Variants in HNRNPA2B1 observed in about 807,000 individuals in gnomAD.
The protein encoded by HNRNPA2B1 is heterogeneous nuclear ribonucleoprotein A2/B1, also known as heterogeneous nuclear ribonucleoproteins A2/B1.
A neutral mutation model predicts 46.3 loss-of-function variants in HNRNPA2B1; 3 were observed. The observed-to-expected ratio is 0.06, with a 90% CI of 0.03 to 0.17. The LOEUF is 0.17. Among genes scored for constraint, HNRNPA2B1 ranks in the 10% least tolerant of loss-of-function variants. HNRNPA2B1 has a pLI of 1.00. For missense variants in HNRNPA2B1, 221 were observed against 418.9 expected (o/e 0.53, Z 4.12); for synonymous variants, 225 against 133.8 (o/e 1.68, Z -4.70).
At chr7:26,195,714 G>A (rs1562710009) in intron 7 of HNRNPA2B1, 133 bp downstream of exon 7, 2 of 926,350 alleles carry the variant, frequency 2.2e-6, no homozygotes, top group Non-Finnish European at 3.2e-6. Flanking sequence ...AGAAATAACT[G>A]GACCACTATC....
chr7:26,197,269 G>A (rs1457244064), intron 3 of HNRNPA2B1, 46 bp downstream of exon 3: 4 of 1,549,102 alleles, frequency 2.6e-6, no homozygotes, highest in East Asian at 2.3e-5. Context: ...TTTCAGCAGG[G>A]CAGCGTTCTT....
At chr7:26,193,803 T>A in intron 7 of HNRNPA2B1, 109 bp from the exon 8 acceptor site, 1 of 974,246 alleles carries the variant, frequency 1.0e-6, no homozygotes, top group Non-Finnish European at 1.6e-6. Flanking sequence ...AAATATTTAA[T>A]GAAATTCCTC....
rs368298395 is a variant in HNRNPA2B1, at chr7:26,197,768, A to G, written c.7-36T>C. 28 of 1,600,080 alleles carry G rather than the reference A, an allele frequency of 1.7e-5. No homozygotes were observed. The Admixed American group carries it at 1.9e-4, about 11-fold the overall frequency. ...AAATACCATTTCAATTTTTATTTACATTTTCCTCTTTGTATGCAGGAAATT... is the reference window on the plus strand; with the variant it reads ...AAATACCATTTCAATTTTTATTTACGTTTTCCTCTTTGTATGCAGGAAATT... On this transcript the variant is annotated intron_variant, in intron 1 of 10. Coordinates refer to ENST00000618183, the MANE Select transcript of HNRNPA2B1 (RefSeq NM_002137.4).
rs1782717528 is a variant in HNRNPA2B1 at position 26,190,069 on chromosome 7, C to T, written c.*2291G>A. 1 of 152,466 alleles carries T rather than the reference C, an allele frequency of 6.6e-6. No homozygotes were observed. Among genetic ancestry groups the T allele is most frequent in the Non-Finnish European group, 1.5e-5 (1 of 67,990 alleles). The allele number at this position is 152,466 out of a possible 1,614,324, so 9.4% of individuals were successfully genotyped here. ...TAGGGGATGGTGATCTTTTAGACAACCAAATATTTATAGAACAAGATTCAC... is the reference window on the plus strand; with the variant it reads ...TAGGGGATGGTGATCTTTTAGACAATCAAATATTTATAGAACAAGATTCAC... On this transcript the variant is annotated 3_prime_UTR_variant, in exon 11 of 11. Coordinates refer to ENST00000618183, the MANE Select transcript of HNRNPA2B1 (RefSeq NM_002137.4).
intron 9 of HNRNPA2B1, among the ~76,000 whole-genome samples, chr7:26,192,957 A>G (rs1473948408): frequency 1.3e-5 from 2 of 152,116 alleles, no homozygotes; most frequent in Non-Finnish European, 2.9e-5. Context: ...CCTCATTCCA[A>G]TGTATACCAC....
At position 26,190,349 on chromosome 7, in the gene HNRNPA2B1, T is replaced by TA. The variant is rs1307011496; in HGVS notation, c.*2010_*2011insT. On this transcript the variant is annotated 3_prime_UTR_variant, in exon 11 of 11. Coordinates refer to ENST00000618183, the MANE Select transcript of HNRNPA2B1 (RefSeq NM_002137.4). ...TTCCCTTTTATTTTAAAGAGTGCTT[T>TA]TTAAATGAAGGCACCAACAAGAACT... The TA allele has an allele frequency of 6.6e-6, 1 of 152,654 alleles. No homozygotes were observed. Among genetic ancestry groups the TA allele is most frequent in the Non-Finnish European group, 1.5e-5 (1 of 68,032 alleles). 9.5% of individuals were successfully genotyped at this position (152,654 alleles called of 1,614,324 possible).
At chr7:26,197,225 T>C in intron 3 of HNRNPA2B1, 90 bp downstream of exon 3, 1 of 1,435,590 alleles carries the variant, frequency 7.0e-7, no homozygotes, top group Non-Finnish European at 9.4e-7. Flanking sequence ...GAAAAAATCT[T>C]GAGTTAAAAC....
rs370050080 is a variant in HNRNPA2B1, at chr7:26,196,402, A to G, written c.657T>C (p.Ser219=). 58 of 1,612,688 alleles carry G rather than the reference A, an allele frequency of 3.6e-5. No homozygotes were observed. In the African/African-American group the frequency reaches 6.9e-4, roughly 19 times the overall value. Residue 219 remains serine (S), a splice_region_variant and synonymous_variant, in exon 6 of 11, where the codon TCT becomes TCC. Transcript: ENST00000618183. ...PGPGSNFRGG[S]DGYGSGRGFG... is the part of the protein sequence containing the mutation. ...AAACACGTAGAACTTGAAACTCACCAGATCCTCCTCTAAAGTTACTTCCTG... is the reference window on the plus strand; with the variant it reads ...AAACACGTAGAACTTGAAACTCACCGGATCCTCCTCTAAAGTTACTTCCTG...
In HNRNPA2B1 at chr7:26,196,922, A is replaced by G. The variant is rs957607795; in HGVS notation, c.360T>C (p.Phe120=). 5 of 1,613,676 alleles carry G rather than the reference A, an allele frequency of 3.1e-6. No homozygotes were observed. The African/African-American group carries it at 6.7e-5, about 22-fold the overall frequency. The change falls in exon 4 of 11, where the codon TTT becomes TTC. Residue 120 remains phenylalanine, a synonymous_variant. Coordinates refer to ENST00000618183, the MANE Select transcript of HNRNPA2B1 (RefSeq NM_002137.4). ...DTEEHHLRDY[F]EEYGKIDTIE... is the part of the protein sequence containing the mutation. The stretch of plus-strand genomic sequence containing the variant: ...TGGTATCAATTTTTCCATATTCCTC[A>G]AAGTAATCTCTAAGGTGATGTTCCT...
chr7:26,196,358 A>T (rs752372341), intron 6 of HNRNPA2B1, 43 bp downstream of exon 6: 1 of 1,473,086 alleles, frequency 6.8e-7, no homozygotes, highest in Non-Finnish European at 9.4e-7. Context: ...TATTTAAAAT[A>T]AAAGCACACT....
In HNRNPA2B1 at chr7:26,192,480, T is replaced by C. The variant is rs751190025; in HGVS notation, c.*21+15A>G. On this transcript the variant is annotated intron_variant, in intron 10 of 10. Coordinates refer to ENST00000618183, the MANE Select transcript of HNRNPA2B1 (RefSeq NM_002137.4). ...CCCAAGATAATAATAATTGTAAAAC[T>C]CAAAAGCTACTTACCCATGGCAAAT... 16 of 1,555,204 alleles carry C rather than the reference T, an allele frequency of 1.0e-5. No homozygotes were observed. The highest frequency in any genetic ancestry group is 1.4e-5 in the Non-Finnish European group (16 of 1,126,898).
chr7:26,193,435 C>A, intron 8 of HNRNPA2B1, 62 bp from the exon 9 acceptor site: 1 of 1,553,344 alleles, frequency 6.4e-7, no homozygotes, highest in African/African-American at 1.4e-5. Context: ...TAGGACAAAG[C>A]TCCCATAAAA....
intron 1 of HNRNPA2B1, chr7:26,200,111 C>CT: frequency 5.0e-6 from 1 of 200,594 alleles, no homozygotes; most frequent in Non-Finnish European, 1.0e-5. Flanking sequence ...AAGGAAAACG[C>CT]TGAGAGGAAG....
Position 26,194,744 on chromosome 7 carries a change from T to G in HNRNPA2B1, c.722-1050A>C, listed in dbSNP as rs1010977841. On this transcript the variant is annotated intron_variant, in intron 7 of 10. Transcript: ENST00000618183. ...CACACAGTATGTTCTTTACTGTAAA[T>G]AGAAGTGCGGACATAAACAAAAATT... Among the ~76,000 whole-genome samples, 3 of 148,298 alleles carry G rather than the reference T, an allele frequency of 2.0e-5. No individual in the cohort carries two copies. The South Asian group carries it at 6.4e-4, about 31-fold the overall frequency.
chr7:26,197,211 A>G lies in HNRNPA2B1; in HGVS notation c.264+104T>C, dbSNP rs552305527. The G allele has an allele frequency of 1.0e-3, 1,445 of 1,380,878 alleles. 1 individual carries two copies. Among genetic ancestry groups the G allele is most frequent in the Non-Finnish European group, 1.4e-3 (1,396 of 1,011,214 alleles). The allele number at this position is 1,380,878 out of a possible 1,614,324, so 85.5% of individuals were successfully genotyped here. ...TCCAGAAACCCAACACACCTTTAAT[A>G]AGAGAAAAAATCTTGAGTTAAAACT... On this transcript the variant is annotated intron_variant, in intron 3 of 10. Transcript: ENST00000618183.
rs189431996 is a variant in HNRNPA2B1 at position 26,197,277 on chromosome 7, C to T, written c.264+38G>A. 5.0e-4 allele frequency: 788 copies of T among 1,562,318 alleles called. 6 individuals are homozygous for T. In the African/African-American group the frequency reaches 0.01, roughly 20 times the overall value. On this transcript the variant is annotated intron_variant, in intron 3 of 10. Coordinates refer to ENST00000618183, the MANE Select transcript of HNRNPA2B1 (RefSeq NM_002137.4). ...TTCTGATTTTCAGCAGGGCAGCGTT[C>T]TTCATGTTAATGCACAAGACAGTCA...
At chr7:26,199,456 G>C (rs989170863) in intron 1 of HNRNPA2B1, 2 of 152,242 alleles carry the variant, frequency 1.3e-5, no homozygotes, top group African/African-American at 4.8e-5. Context: ...TTTAATCGAA[G>C]TATAACTAAG....
chr7:26,200,255 G>A (rs555396062), intron 1 of HNRNPA2B1: 273 of 363,800 alleles, frequency 7.5e-4, no homozygotes, highest in African/African-American at 3.3e-3. Context: ...CCCCGAAGCA[G>A]CGTGCTTTAG....
intron 1 of HNRNPA2B1, chr7:26,199,655 C>T (rs1188065840): frequency 6.6e-6 from 1 of 152,166 alleles, no homozygotes; most frequent in African/African-American, 2.4e-5. Flanking sequence ...CCACCTTCGT[C>T]CCTGCCCCTC....
Sources: allele counts gnomAD v4.1 joint callset (sites outside exome capture counted in the v4.1 genomes callset), GRCh38; gene constraint gnomAD v4.1.1; transcripts MANE v1.5; gene names NCBI Gene and HGNC (gene_info 2026-07-23, HGNC 2026-07-21).